Variants in DPYSL5 observed in about 807,000 individuals in gnomAD.
DPYSL5 encodes the protein dihydropyrimidinase-related protein 5.
DPYSL5 carries 9 observed loss-of-function variants against 58.4 expected under a neutral mutation model. That is an observed-to-expected ratio of 0.15 (90% CI 0.09 to 0.27). The LOEUF (loss-of-function observed/expected upper bound fraction) is 0.27, where lower values mean the gene tolerates loss of function less well. Ranked by LOEUF, DPYSL5 falls within the 10% of genes least tolerant of loss-of-function variation. The probability of loss-of-function intolerance (pLI) is 1.00; values close to 1 mark genes in which losing one functional copy is unlikely to be tolerated. For synonymous variants in DPYSL5, 293 were observed against 301.9 expected, an observed-to-expected ratio of 0.97 and a Z score of 0.31; for missense variants, 499 against 770.6, an observed-to-expected ratio of 0.65 and a Z score of 4.17.
At chr2:26,941,800 C>T (rs1259574992) in intron 9 of DPYSL5, 150 bp from the exon 10 acceptor site, 7 of 1,023,236 alleles carry the variant, frequency 6.8e-6, no homozygotes, top group African/African-American at 1.6e-5. Context: ...CAGGCTGGCT[C>T]ATCTGAGATG....
chr2:26,850,556 A>G (rs1337846049), intron 1 of DPYSL5, among the ~76,000 whole-genome samples: 3 of 150,666 alleles, frequency 2.0e-5, no homozygotes, highest in Non-Finnish European at 2.9e-5. Flanking sequence ...AAAAAAAGGC[A>G]GGAATGTTTT....
chr2:26,890,062 G>A (rs1254527046), intron 1 of DPYSL5, among the ~76,000 whole-genome samples: 1 of 152,178 alleles, frequency 6.6e-6, no homozygotes, highest in Non-Finnish European at 1.5e-5. Context: ...GGATACTGGT[G>A]CAATAGGCTT....
chr2:26,875,734 A>G (rs1337697307), intron 1 of DPYSL5, among the ~76,000 whole-genome samples: 2 of 152,146 alleles, frequency 1.3e-5, no homozygotes, highest in African/African-American at 4.8e-5. Context: ...AGGGACTAGG[A>G]ACCAAGGAGA....
chr2:26,895,779 T>TC (rs1051143254), intron 1 of DPYSL5, among the ~76,000 whole-genome samples: 8 of 137,950 alleles, frequency 5.8e-5, no homozygotes, highest in South Asian at 2.5e-4. Flanking sequence ...CTTTTTCTTT[T>TC]TTTTTTTTTT....
At chr2:26,878,924 G>C (rs1329217428) in intron 1 of DPYSL5, among the ~76,000 whole-genome samples, 1 of 152,210 alleles carries the variant, frequency 6.6e-6, no homozygotes, top group Admixed American at 6.5e-5. Flanking sequence ...GCACTTGTGA[G>C]AAGCAGTCCT....
At chr2:26,865,487 A>T (rs576256577) in intron 1 of DPYSL5, among the ~76,000 whole-genome samples, 25 of 151,942 alleles carry the variant, frequency 1.6e-4, no homozygotes, top group Admixed American at 5.9e-4. Flanking sequence ...CGCCCAGCTA[A>T]TTTTTTGTGT....
intron 1 of DPYSL5, among the ~76,000 whole-genome samples, chr2:26,862,865 A>T (rs1341974058): frequency 1.3e-5 from 2 of 152,158 alleles, no homozygotes; most frequent in African/African-American, 4.8e-5. Context: ...ACCCCATTAC[A>T]TGGCCATTTT....
intron 1 of DPYSL5, among the ~76,000 whole-genome samples, chr2:26,856,429 C>T (rs1186489184): frequency 6.6e-6 from 1 of 152,094 alleles, no homozygotes; most frequent in Non-Finnish European, 1.5e-5. Flanking sequence ...TTCTTGTGCT[C>T]AAGGTTATAT....
At position 26,878,979 on chromosome 2, in the gene DPYSL5, G is replaced by A. The variant is rs963835030; in HGVS notation, c.-4-19517G>A. Among the ~76,000 whole-genome samples, 8 of 152,182 alleles carry A rather than the reference G, an allele frequency of 5.3e-5. No homozygotes were observed. The East Asian group carries it at 5.8e-4, about 11-fold the overall frequency. On this transcript the variant is annotated intron_variant, in intron 1 of 12. Coordinates refer to ENST00000288699, the MANE Select transcript of DPYSL5 (RefSeq NM_020134.4). ...GTGCTTCCCCACCCTTTCTGGTACCGGCAGCCCTTCCAGCTCCTTGTCTCC... is the reference window on the plus strand; with the variant it reads ...GTGCTTCCCCACCCTTTCTGGTACCAGCAGCCCTTCCAGCTCCTTGTCTCC...
intron 1 of DPYSL5, among the ~76,000 whole-genome samples, chr2:26,857,791 G>A (rs1419868710): frequency 6.6e-6 from 1 of 152,078 alleles, no homozygotes; most frequent in Non-Finnish European, 1.5e-5. Context: ...TTTTACAGTT[G>A]GATTATAATG....
At chr2:26,865,078 T>G (rs1266208825) in intron 1 of DPYSL5, among the ~76,000 whole-genome samples, 3 of 152,236 alleles carry the variant, frequency 2.0e-5, no homozygotes, top group Non-Finnish European at 4.4e-5. Flanking sequence ...TGAAAATACA[T>G]TTAGTGTTTC....
intron 11 of DPYSL5, among the ~76,000 whole-genome samples, chr2:26,943,582 G>C (rs1665382878): frequency 6.6e-6 from 1 of 152,148 alleles, no homozygotes; most frequent in African/African-American, 2.4e-5. Context: ...TTTTTAATAC[G>C]ATGTAGGACC....
Position 26,927,132 on chromosome 2 carries a change from G to C in DPYSL5, c.421-121G>C, listed in dbSNP as rs1664846694. ...GAAAGTGAGATAGAGAGGTGTGGGG[G>C]GTCAACCGACAGACTGAGCTGGGGC... On this transcript the variant is annotated intron_variant, in intron 3 of 12. Coordinates refer to ENST00000288699, the MANE Select transcript of DPYSL5 (RefSeq NM_020134.4). The surrounding 1 kb of genome is among the most constrained non-coding windows in gnomAD (Gnocchi z 4.3). The C allele has an allele frequency of 9.9e-7, 1 of 1,013,760 alleles. No homozygotes were observed. The highest frequency in any genetic ancestry group is 1.4e-6 in the Non-Finnish European group (1 of 703,300). The allele number at this position is 1,013,760 out of a possible 1,614,324, so 62.8% of individuals were successfully genotyped here.
At position 26,928,355 on chromosome 2, in the gene DPYSL5, G is replaced by A. The variant is rs187195053; in HGVS notation, c.669+32G>A. ...AACACTTCCTGTAGCCTTTGTCAGCGTCTCTCATGTAGATTGACAGAATCT... is the reference window on the plus strand; with the variant it reads ...AACACTTCCTGTAGCCTTTGTCAGCATCTCTCATGTAGATTGACAGAATCT... On this transcript the variant is annotated intron_variant, in intron 5 of 12. Transcript: ENST00000288699. 8.3e-4 allele frequency: 1,336 copies of A among 1,607,330 alleles called. 3 individuals are homozygous for A. Among genetic ancestry groups the A allele is most frequent in the Non-Finnish European group, 8.3e-4 (975 of 1,174,814 alleles).
At chr2:26,913,581 C>A (rs1664492510) in intron 2 of DPYSL5, among the ~76,000 whole-genome samples, 1 of 152,142 alleles carries the variant, frequency 6.6e-6, no homozygotes, top group Non-Finnish European at 1.5e-5. Context: ...TGTACAAATA[C>A]CTATTTGAGT....
chr2:26,851,973 C>T (rs1219944628), intron 1 of DPYSL5, among the ~76,000 whole-genome samples: 1 of 152,030 alleles, frequency 6.6e-6, no homozygotes, highest in East Asian at 1.9e-4. Flanking sequence ...ATTGTGTGTT[C>T]AGATCATTTT....
rs1300189344 is a variant in DPYSL5, at chr2:26,949,797, C to T, written c.*2802C>T. On this transcript the variant is annotated 3_prime_UTR_variant, in exon 13 of 13. Transcript: ENST00000288699. ...AGGAGCCAAATGAGCGGTCAGCCCC[C>T]ACCATGCACTCCTTGCCCCGTGCAG... The T allele has an allele frequency of 1.3e-5, 2 of 152,592 alleles. No homozygotes were observed. The highest frequency in any genetic ancestry group is 6.5e-5 in the Admixed American group (1 of 15,274). The allele number at this position is 152,592 out of a possible 1,614,324, so 9.5% of individuals were successfully genotyped here.
At position 26,942,667 on chromosome 2, in the gene DPYSL5, A is replaced by C; in HGVS notation, c.1357A>C (p.Met453Leu). Residue 453 changes from methionine (M) to leucine (L), a missense_variant, in exon 11 of 13, where the codon ATG becomes CTG. This residue lies in a region of DPYSL5 where 404 missense variants were observed against 647.6 expected (regional missense o/e 0.62). Coordinates refer to ENST00000288699, the MANE Select transcript of DPYSL5 (RefSeq NM_020134.4). This position sits in a 1 kb window ranked among gnomAD's most constrained non-coding sequence, Gnocchi z 5.9. The stretch of plus-strand genomic sequence containing the variant: ...CGTCGTGTATGAGAACGGCGTCTTC[A>C]TGTGCGCCGAGGGCACCGGCAAGTT... The part of the protein sequence containing the change: ...GRVVYENGVF[M>L]CAEGTGKFCP... 4 of 1,614,012 alleles carry C rather than the reference A, an allele frequency of 2.5e-6. No homozygotes were observed. The highest frequency in any genetic ancestry group is 3.4e-6 in the Non-Finnish European group (4 of 1,179,982).
In DPYSL5 at chr2:26,933,339, T is replaced by A; in HGVS notation, c.790+6T>A. The A allele has an allele frequency of 6.2e-7, 1 of 1,613,584 alleles. No individual in the cohort carries two copies. Among genetic ancestry groups the A allele is most frequent in the Non-Finnish European group, 8.5e-7 (1 of 1,179,760 alleles). Reference sequence around the variant, plus strand: ...CGCAGCTGCTAAGATGCAAGGTGAGTCCATAGACTTGGCTGGACAGAGCAG... The same window carrying A: ...CGCAGCTGCTAAGATGCAAGGTGAGACCATAGACTTGGCTGGACAGAGCAG... On this transcript the variant is annotated splice_donor_region_variant and intron_variant, in intron 7 of 12. Transcript: ENST00000288699. The surrounding 1 kb of genome is among the most constrained non-coding windows in gnomAD (Gnocchi z 4.2).
Sources: gnomAD v4.1 joint callset for allele counts (sites outside exome capture counted in the v4.1 genomes callset) on GRCh38, gnomAD v4.1.1 for gene constraint, gnomAD v4.1.1 regional missense constraint, Gnocchi (gnomAD v3.1) non-coding constraint, MANE v1.5 for transcripts, NCBI Gene and HGNC (gene_info 2026-07-23, HGNC 2026-07-21) for gene names.